Variants in SERP2 observed in about 807,000 individuals in gnomAD.
SERP2 encodes stress associated endoplasmic reticulum protein family member 2, also known as stress-associated endoplasmic reticulum protein 2.
In SERP2, 6 loss-of-function variants were observed where a neutral mutation model predicts 9.1. The observed-to-expected ratio is 0.66, with a 90% CI of 0.36 to 1.30. The LOEUF is 1.30. Among genes scored for constraint, SERP2 ranks in the 50% most tolerant of loss-of-function variants. The pLI is 0.03. For synonymous variants in SERP2, 37 were observed against 27.3 expected, an observed-to-expected ratio of 1.35 and a Z score of -1.10; for missense variants, 58 against 81.9, an observed-to-expected ratio of 0.71 and a Z score of 1.13.
chr13:44,390,322 G>T (rs1484920105), intron 2 of SERP2: 3 of 247,750 alleles, frequency 1.2e-5, no homozygotes, highest in Non-Finnish European at 2.4e-5. Flanking sequence ...CTGGACACTT[G>T]CTCCAGGACA....
At chr13:44,388,427 T>C (rs1872453639) in intron 2 of SERP2, among the ~76,000 whole-genome samples, 1 of 152,240 alleles carries the variant, frequency 6.6e-6, no homozygotes, top group African/African-American at 2.4e-5. Context: ...ATATTATGAC[T>C]TTCTCATCGC....
intron 2 of SERP2, among the ~76,000 whole-genome samples, chr13:44,391,790 G>A (rs1291950374): frequency 2.0e-5 from 3 of 151,990 alleles, no homozygotes; most frequent in Non-Finnish European, 4.4e-5. Context: ...GCATGCTCAA[G>A]TCTGAGAACC....
chr13:44,386,732 A>G (rs767392272), intron 2 of SERP2, among the ~76,000 whole-genome samples: 5 of 152,220 alleles, frequency 3.3e-5, no homozygotes, highest in Admixed American at 2.0e-4. Context: ...CCATTTCTTA[A>G]TCAATACCTG....
chr13:44,382,802 G>A (rs1034865477), intron 2 of SERP2, among the ~76,000 whole-genome samples: 7 of 152,302 alleles, frequency 4.6e-5, no homozygotes, highest in African/African-American at 7.2e-5. Context: ...GCACTGTGCC[G>A]GGCTTTGGAA....
Position 44,379,636 on chromosome 13 carries a change from T to G in SERP2, c.85-5T>G. 1 of 1,609,294 alleles carries G rather than the reference T, an allele frequency of 6.2e-7. No homozygotes were observed. The highest frequency in any genetic ancestry group is 8.5e-7 in the Non-Finnish European group (1 of 1,177,384). ...CTAATCTTACTTTTTCCCATTCCCTTTTAGAGGCCGCAAGAGGAGAAATAT... is the reference window on the plus strand; with the variant it reads ...CTAATCTTACTTTTTCCCATTCCCTGTTAGAGGCCGCAAGAGGAGAAATAT... On this transcript the variant is annotated splice_polypyrimidine_tract_variant and splice_region_variant and intron_variant, in intron 1 of 2. Coordinates refer to ENST00000379179, the MANE Select transcript of SERP2 (RefSeq NM_001010897.3).
At chr13:44,396,020 T>C (rs1371960135) in intron 2 of SERP2, 5 of 278,518 alleles carry the variant, frequency 1.8e-5, no homozygotes, top group Admixed American at 9.5e-5. Context: ...GTTTTCATTA[T>C]GGTGACACTG....
At chr13:44,393,489 C>G (rs1434959060) in intron 2 of SERP2, among the ~76,000 whole-genome samples, 1 of 152,168 alleles carries the variant, frequency 6.6e-6, no homozygotes, top group Non-Finnish European at 1.5e-5. Flanking sequence ...CTGCTCTCCC[C>G]TGGACTTTTC....
intron 2 of SERP2, among the ~76,000 whole-genome samples, chr13:44,382,655 C>A (rs1354814845): frequency 2.0e-5 from 3 of 151,966 alleles, no homozygotes; most frequent in Non-Finnish European, 4.4e-5. Flanking sequence ...ATTATTCTTC[C>A]AAGTCACTGA....
intron 1 of SERP2, 62 bp downstream of exon 1, chr13:44,374,171 T>C (rs924963427): frequency 4.2e-5 from 4 of 94,474 alleles, no homozygotes; most frequent in Non-Finnish European, 3.4e-5. Context: ...GGGCGGAAGG[T>C]GGGGGCGGGG....
chr13:44,380,028 A>G (rs997414911), intron 2 of SERP2, among the ~76,000 whole-genome samples: 6 of 152,224 alleles, frequency 3.9e-5, no homozygotes, highest in African/African-American at 1.4e-4. Flanking sequence ...CAGAAGGTGA[A>G]ACACCTGTGT....
intron 2 of SERP2, among the ~76,000 whole-genome samples, chr13:44,390,103 G>C (rs1341718318): frequency 1.3e-5 from 2 of 152,212 alleles, no homozygotes; most frequent in African/African-American, 4.8e-5. Context: ...TGGAGCAAAA[G>C]TTTTCCACCA....
At chr13:44,383,544 G>GTTTTGTTT (rs1872127746) in intron 2 of SERP2, among the ~76,000 whole-genome samples, 4 of 91,822 alleles carry the variant, frequency 4.4e-5, no homozygotes, top group South Asian at 3.7e-4. Flanking sequence ...GGAGGTTTGC[G>GTTTTGTTT]TTTTTTTTGT....
Position 44,397,379 on chromosome 13 carries a change from A to C in SERP2, c.*67A>C. ...GGGAGGACAACGGAAGCGGTCAGCCAGTTTCTGCGGGAAACAAGCAGGCCA... is the reference window on the plus strand; with the variant it reads ...GGGAGGACAACGGAAGCGGTCAGCCCGTTTCTGCGGGAAACAAGCAGGCCA... On this transcript the variant is annotated 3_prime_UTR_variant, in exon 3 of 3. Coordinates refer to ENST00000379179, the MANE Select transcript of SERP2 (RefSeq NM_001010897.3). 1.6e-6 allele frequency: 2 copies of C among 1,251,092 alleles called. No individual in the cohort carries two copies. The highest frequency in any genetic ancestry group is 2.3e-6 in the Non-Finnish European group (2 of 852,152). 77.5% of individuals were successfully genotyped at this position (1,251,092 alleles called of 1,614,324 possible).
intron 2 of SERP2, chr13:44,395,723 G>A (rs1873061195): frequency 4.5e-6 from 2 of 441,372 alleles, no homozygotes; most frequent in Non-Finnish European, 9.1e-6. Context: ...CATATCTACA[G>A]ATGAGTCCCT....
chr13:44,384,003 T>C (rs1315168347), intron 2 of SERP2, among the ~76,000 whole-genome samples: 1 of 152,182 alleles, frequency 6.6e-6, no homozygotes, highest in East Asian at 1.9e-4. Context: ...GCAATGGGCC[T>C]CATCTCTTTT....
intron 1 of SERP2, among the ~76,000 whole-genome samples, chr13:44,375,062 G>A (rs746678456): frequency 7.2e-5 from 11 of 152,138 alleles, no homozygotes; most frequent in Non-Finnish European, 1.5e-4. Context: ...AGTCGCATGG[G>A]TAGTTTGGCG....
intron 2 of SERP2, chr13:44,395,793 T>C (rs758269776): frequency 2.2e-6 from 1 of 457,100 alleles, no homozygotes; most frequent in South Asian, 1.6e-5. Context: ...GTTTCTGTTT[T>C]CAGCTTAGTC....
intron 2 of SERP2, among the ~76,000 whole-genome samples, chr13:44,393,515 T>C (rs1436184048): frequency 6.6e-6 from 1 of 152,188 alleles, no homozygotes; most frequent in East Asian, 1.9e-4. Flanking sequence ...CTCTGGGACC[T>C]GCCCACGCCC....
At chr13:44,381,497 G>A (rs1478756661) in intron 2 of SERP2, among the ~76,000 whole-genome samples, 1 of 152,152 alleles carries the variant, frequency 6.6e-6, no homozygotes, top group South Asian at 2.1e-4. Flanking sequence ...AGCCGAGATC[G>A]TGCCACTGTA....
Sources: allele counts gnomAD v4.1 joint callset (sites outside exome capture counted in the v4.1 genomes callset), GRCh38; gene constraint gnomAD v4.1.1; transcripts MANE v1.5; gene names NCBI Gene and HGNC (gene_info 2026-07-23, HGNC 2026-07-21).